Variants in ROBO1 observed in about 807,000 individuals in gnomAD.
ROBO1 encodes roundabout homolog 1.
In ROBO1, 149 loss-of-function variants were observed where a neutral mutation model predicts 195.9. The ratio of observed to expected loss-of-function variants is 0.76; its 90% CI spans 0.67 to 0.87. The LOEUF (loss-of-function observed/expected upper bound fraction) is 0.87, where lower values mean the gene tolerates loss of function less well. Ranked by LOEUF, ROBO1 falls within the 40% of genes least tolerant of loss-of-function variation. The pLI is 0.00. For synonymous variants in ROBO1, 816 were observed against 733.2 expected, an observed-to-expected ratio of 1.11 and a Z score of -1.82; for missense variants, 1,933 against 2,068.3, an observed-to-expected ratio of 0.93 and a Z score of 1.27.
intron 2 of ROBO1, among the ~76,000 whole-genome samples, chr3:79,291,267 A>T (rs1382999995): frequency 6.6e-6 from 1 of 152,170 alleles, no homozygotes; most frequent in Non-Finnish European, 1.5e-5. Context: ...AGAAACTTTC[A>T]TCATGTTGGC....
At position 79,531,820 on chromosome 3, in the gene ROBO1, C is replaced by T. The variant is rs140105958; in HGVS notation, c.88+58004G>A. ...GGATGACACATTGCTTAAGGAATATCAAACCAACTCCAAGCATGAAGTCCG... is the reference window on the plus strand; with the variant it reads ...GGATGACACATTGCTTAAGGAATATTAAACCAACTCCAAGCATGAAGTCCG... On this transcript the variant is annotated intron_variant, in intron 2 of 30. Transcript: ENST00000464233. Among the ~76,000 whole-genome samples, 697 of 150,292 alleles carry T rather than the reference C, an allele frequency of 4.6e-3. 4 individuals are homozygous for T. The highest frequency in any genetic ancestry group is 0.016 in the African/African-American group (662 of 40,752).
intron 10 of ROBO1, 43 bp downstream of exon 10, chr3:78,685,703 A>C (rs112824503): frequency 0.015 from 22,121 of 1,446,784 alleles, 202 homozygotes; most frequent in Middle Eastern, 0.026. Flanking sequence ...CTGGATCCTA[A>C]GTCAAACTTG....
chr3:78,652,137 T>C (rs1706703402), intron 18 of ROBO1, among the ~76,000 whole-genome samples: 1 of 152,166 alleles, frequency 6.6e-6, no homozygotes, highest in South Asian at 2.1e-4. Flanking sequence ...AAAGCAAGTG[T>C]GACAATTGTA....
rs562720217 is a variant in ROBO1, at chr3:79,709,622, C to T, written c.-51+58130G>A. ...TCAATGGGTCAGACAACTACTTTTA[C>T]TAGACACTAGATACTGGATGTCACA... On this transcript the variant is annotated intron_variant, in intron 1 of 30. Transcript: ENST00000464233. 2.0e-5 allele frequency among the ~76,000 whole-genome samples: 3 copies of T among 151,804 alleles called. No individual in the cohort carries two copies. In the South Asian group the frequency reaches 6.2e-4, roughly 31 times the overall value.
intron 4 of ROBO1, among the ~76,000 whole-genome samples, chr3:78,813,739 A>G (rs72894451): frequency 0.03 from 4,620 of 152,112 alleles, 187 homozygotes; most frequent in African/African-American, 0.095. Flanking sequence ...TGTTTATAGT[A>G]TTGGCCTAAG....
chr3:79,055,689 G>C (rs1019047346), intron 3 of ROBO1, among the ~76,000 whole-genome samples: 1 of 152,066 alleles, frequency 6.6e-6, no homozygotes, highest in African/African-American at 2.4e-5. Context: ...AAAACATGGA[G>C]TTTGTTCCTG....
chr3:79,614,765 A>G (rs945985648), intron 1 of ROBO1, among the ~76,000 whole-genome samples: 7 of 152,044 alleles, frequency 4.6e-5, no homozygotes, highest in African/African-American at 1.4e-4. Context: ...TATAGCATCA[A>G]TTTTTCTCAA....
intron 2 of ROBO1, among the ~76,000 whole-genome samples, chr3:79,496,021 T>C (rs1939711954): frequency 6.6e-6 from 1 of 151,986 alleles, no homozygotes; most frequent in Non-Finnish European, 1.5e-5. Context: ...GAGACCAGCC[T>C]GGCCAACATG....
chr3:78,916,876 T>G (rs574127461), intron 4 of ROBO1, among the ~76,000 whole-genome samples: 22 of 152,250 alleles, frequency 1.4e-4, no homozygotes, highest in Middle Eastern at 6.8e-3. Flanking sequence ...GGCTAAAAAC[T>G]GTCATAACCA....
At position 78,786,200 on chromosome 3, in the gene ROBO1, TTC is replaced by T. The variant is rs1442136701; in HGVS notation, c.500-39302_500-39301del. The stretch of plus-strand genomic sequence containing the variant: ...TTTTGAAAGTAAGATTAATAAAAGT[TTC>T]TGTCACCTGAGTTTGATTTGCATGT... On this transcript the variant is annotated intron_variant, in intron 4 of 30. Transcript: ENST00000464233. Among the ~76,000 whole-genome samples, 4 of 152,306 alleles carry T rather than the reference TTC, an allele frequency of 2.6e-5. No individual in the cohort carries two copies. In the East Asian group the frequency reaches 7.7e-4, roughly 29 times the overall value.
At chr3:79,563,013 T>C (rs889003507) in intron 2 of ROBO1, among the ~76,000 whole-genome samples, 1 of 152,068 alleles carries the variant, frequency 6.6e-6, no homozygotes, top group African/African-American at 2.4e-5. Context: ...AGTATCCAAT[T>C]TATTTCATCA....
chr3:79,158,345 AGTAT>A (rs1298281212), intron 2 of ROBO1, among the ~76,000 whole-genome samples: 1 of 146,628 alleles, frequency 6.8e-6, no homozygotes, highest in Non-Finnish European at 1.5e-5. Flanking sequence ...TACATACAAT[AGTAT>A]GTAACACATA....
intron 8 of ROBO1, among the ~76,000 whole-genome samples, chr3:78,695,514 A>G (rs1363014517): frequency 6.6e-6 from 1 of 151,532 alleles, no homozygotes; most frequent in Non-Finnish European, 1.5e-5. Flanking sequence ...AGTCCCAGCT[A>G]CTTGGGAGGC....
At chr3:79,059,140 T>A (rs1292174789) in intron 3 of ROBO1, among the ~76,000 whole-genome samples, 1 of 152,132 alleles carries the variant, frequency 6.6e-6, no homozygotes, top group East Asian at 1.9e-4. Flanking sequence ...GATTTCTTCA[T>A]CACCCCGTAT....
At chr3:79,183,596 G>C (rs2081384802) in intron 2 of ROBO1, among the ~76,000 whole-genome samples, 1 of 152,188 alleles carries the variant, frequency 6.6e-6, no homozygotes, top group Admixed American at 6.5e-5. Context: ...GGAAGCAGTA[G>C]AAGAAAAAAA....
chr3:79,379,094 G>A (rs2036482119), intron 2 of ROBO1, among the ~76,000 whole-genome samples: 1 of 152,124 alleles, frequency 6.6e-6, no homozygotes, highest in African/African-American at 2.4e-5. Flanking sequence ...AGGTTAGCTA[G>A]TGGAACATTA....
intron 4 of ROBO1, among the ~76,000 whole-genome samples, chr3:78,752,501 A>G (rs1444145325): frequency 2.6e-5 from 4 of 152,148 alleles, no homozygotes; most frequent in Admixed American, 6.6e-5. Context: ...AGCATATCAT[A>G]AAGTCTTCTA....
intron 1 of ROBO1, among the ~76,000 whole-genome samples, chr3:79,667,756 A>G (rs1946515262): frequency 6.6e-6 from 1 of 151,792 alleles, no homozygotes; most frequent in East Asian, 1.9e-4. Context: ...GAGTATTCTT[A>G]GAATATCACT....
At chr3:78,705,915 A>G (rs997198343) in intron 8 of ROBO1, among the ~76,000 whole-genome samples, 5 of 152,110 alleles carry the variant, frequency 3.3e-5, no homozygotes, top group Admixed American at 2.0e-4. Context: ...CCCCCATACC[A>G]ATACTTATAA....
Sources: gnomAD v4.1 joint callset for allele counts (sites outside exome capture counted in the v4.1 genomes callset) on GRCh38, gnomAD v4.1.1 for gene constraint, MANE v1.5 for transcripts, NCBI Gene and HGNC (gene_info 2026-07-23, HGNC 2026-07-21) for gene names.